STK32A: variants seen among roughly 807,000 people sequenced by gnomAD.
STK32A encodes serine/threonine-protein kinase 32A.
Under a neutral mutation model 53.2 loss-of-function variants are expected in STK32A, and 41 were observed. That is an observed-to-expected ratio of 0.77 (90% CI 0.60 to 1.00). The LOEUF (loss-of-function observed/expected upper bound fraction) is 1.00, where lower values mean the gene tolerates loss of function less well. STK32A is among the 50% of genes least tolerant of loss of function. STK32A has a pLI of 0.00. For synonymous variants in STK32A, 166 were observed against 162.8 expected (o/e 1.02, Z -0.15); for missense variants, 458 against 485.8 (o/e 0.94, Z 0.54).
At chr5:147,268,918 G>C (rs922823710) in intron 2 of STK32A, among the ~76,000 whole-genome samples, 12 of 152,140 alleles carry the variant, frequency 7.9e-5, no homozygotes, top group African/African-American at 2.9e-4. Flanking sequence ...TTGTGAGTCA[G>C]GTCTTTACCC....
chr5:147,259,374 C>T (rs1309048302), intron 2 of STK32A, among the ~76,000 whole-genome samples: 2 of 152,060 alleles, frequency 1.3e-5, no homozygotes, highest in Non-Finnish European at 1.5e-5. Context: ...GGGCCATCCG[C>T]GGGTTACTGG....
At chr5:147,238,340 A>G (rs1283009022) in intron 1 of STK32A, among the ~76,000 whole-genome samples, 1 of 152,144 alleles carries the variant, frequency 6.6e-6, no homozygotes, top group Non-Finnish European at 1.5e-5. Context: ...ACTCATTTGC[A>G]TCATCTGCCT....
chr5:147,301,586 T>C (rs1753139523), intron 4 of STK32A, among the ~76,000 whole-genome samples: 1 of 152,194 alleles, frequency 6.6e-6, no homozygotes, highest in South Asian at 2.1e-4. Context: ...GAATATAAAA[T>C]AATACATATT....
At chr5:147,389,778 G>A (rs776382883), downstream of STK32A, among the ~76,000 whole-genome samples, 35 of 152,156 alleles carry the variant, frequency 2.3e-4, no homozygotes, top group Non-Finnish European at 4.0e-4. Flanking sequence ...GACTGAGACA[G>A]GAGAATCGCT....
downstream of STK32A, among the ~76,000 whole-genome samples, chr5:147,390,601 T>C (rs1757773560): frequency 6.6e-6 from 1 of 151,958 alleles, no homozygotes; most frequent in Admixed American, 6.6e-5. Flanking sequence ...ACTTACTCAT[T>C]CTCCAAAGTT....
chr5:147,247,317 G>A (rs761078680), intron 2 of STK32A, among the ~76,000 whole-genome samples: 26 of 152,174 alleles, frequency 1.7e-4, no homozygotes, highest in Admixed American at 2.0e-4. Flanking sequence ...GACCATTCAT[G>A]GAAGTTTCGT....
Position 147,239,643 on chromosome 5 carries a change from G to C in STK32A, c.9G>C (p.Ala3=), listed in dbSNP as rs4705132. 880,098 of 1,601,018 alleles carry C rather than the reference G, an allele frequency of 0.55. 247,472 individuals are homozygous for C. The highest frequency in any genetic ancestry group is 0.76 in the Admixed American group (44,883 of 59,084). The change falls in exon 2 of 13, where the codon GCG becomes GCC. Residue 3 remains alanine, a synonymous_variant. Transcript: ENST00000397936. MG[A]NTSRKPPVFD... is the part of the protein sequence containing the mutation. ...TCTGGGCAGATTCAACCATGGGAGCGAACACTTCAAGAAAACCACCAGTGT... is the reference window on the plus strand; with the variant it reads ...TCTGGGCAGATTCAACCATGGGAGCCAACACTTCAAGAAAACCACCAGTGT...
chr5:147,276,382 A>T (rs1755261149), intron 2 of STK32A, among the ~76,000 whole-genome samples: 1 of 152,192 alleles, frequency 6.6e-6, no homozygotes, highest in African/African-American at 2.4e-5. Flanking sequence ...GGTATTTTCT[A>T]TTCTATTTAA....
intron 8 of STK32A, 26 bp downstream of exon 8, chr5:147,361,640 GT>G: frequency 6.7e-7 from 1 of 1,501,454 alleles, no homozygotes; most frequent in Non-Finnish European, 9.2e-7. Flanking sequence ...TTCCTCTTTG[GT>G]TATTTTTCCA....
At position 147,370,770 on chromosome 5, in the gene STK32A, G is replaced by C; in HGVS notation, c.777G>C (p.Lys259Asn). The change falls in exon 9 of 13, where the codon AAG (lysine) becomes AAC (asparagine). Residue 259 changes from lysine (K) to asparagine (N), a missense_variant and splice_region_variant. Coordinates refer to ENST00000397936, the MANE Select transcript of STK32A (RefSeq NM_001112724.2). Reference sequence around the variant, plus strand: ...AGGAAATGGTGTCACTTCTTAAAAAGGTAAGAAGGAAGACTGCATGTCCAA... The same window carrying C: ...AGGAAATGGTGTCACTTCTTAAAAACGTAAGAAGGAAGACTGCATGTCCAA... ...WSQEMVSLLK[K>N]LLEPNPDQRF... 6.3e-7 allele frequency: 1 copy of C among 1,593,436 alleles called. No homozygotes were observed. Among genetic ancestry groups the C allele is most frequent in the Non-Finnish European group, 8.6e-7 (1 of 1,161,958 alleles).
At chr5:147,378,335 A>C in intron 11 of STK32A, among the ~76,000 whole-genome samples, 1 of 152,266 alleles carries the variant, frequency 6.6e-6, no homozygotes, top group South Asian at 2.1e-4. Context: ...CAAGGCTGGC[A>C]CATCTCAGGG....
chr5:147,384,716 G>C lies in STK32A; in HGVS notation c.*733G>C, dbSNP rs1342924728. On this transcript the variant is annotated 3_prime_UTR_variant, in exon 13 of 13. Coordinates refer to ENST00000397936, the MANE Select transcript of STK32A (RefSeq NM_001112724.2). ...ATGCTCGTTTTTTCCCTCCTAACAA[G>C]TGAATTGCTAAATATTAGCCCACCA... 5.8e-6 allele frequency: 2 copies of C among 344,124 alleles called. No homozygotes were observed. The highest frequency in any genetic ancestry group is 4.2e-5 in the African/African-American group (2 of 47,328). 21.3% of individuals were successfully genotyped at this position (344,124 alleles called of 1,614,324 possible).
chr5:147,260,574 C>T (rs1035319743), intron 2 of STK32A, among the ~76,000 whole-genome samples: 1 of 145,808 alleles, frequency 6.9e-6, no homozygotes, highest in African/African-American at 2.8e-5. Flanking sequence ...CTCCTCAAAC[C>T]AAGGGGTGTC....
intron 2 of STK32A, among the ~76,000 whole-genome samples, chr5:147,266,423 G>T (rs1212607170): frequency 6.6e-6 from 1 of 152,138 alleles, no homozygotes; most frequent in Non-Finnish European, 1.5e-5. Context: ...ATGTTGGTAA[G>T]ACTTTTCTTA....
chr5:147,303,094 A>C (rs1366787419), intron 4 of STK32A, among the ~76,000 whole-genome samples: 1 of 152,178 alleles, frequency 6.6e-6, no homozygotes, highest in Non-Finnish European at 1.5e-5. Context: ...ACATACATAC[A>C]CATTTACACA....
chr5:147,269,666 G>A (rs1023121560), intron 2 of STK32A, among the ~76,000 whole-genome samples: 4 of 152,066 alleles, frequency 2.6e-5, no homozygotes, highest in African/African-American at 9.7e-5. Context: ...TCTTATTTGG[G>A]TCTTATCTTG....
intron 2 of STK32A, among the ~76,000 whole-genome samples, chr5:147,252,346 C>G (rs976587938): frequency 1.3e-5 from 2 of 152,070 alleles, no homozygotes; most frequent in Admixed American, 6.6e-5. Context: ...AGGGAAAAGG[C>G]TCTAAAATAA....
At chr5:147,309,062 A>T (rs977014457) in intron 4 of STK32A, among the ~76,000 whole-genome samples, 1 of 152,098 alleles carries the variant, frequency 6.6e-6, no homozygotes, top group Admixed American at 6.5e-5. Flanking sequence ...GAATGAGCCA[A>T]CTGAGAGGAA....
chr5:147,352,677 T>C (rs986496905), intron 7 of STK32A, among the ~76,000 whole-genome samples: 1 of 152,212 alleles, frequency 6.6e-6, no homozygotes, highest in African/African-American at 2.4e-5. Flanking sequence ...AAAAGATACC[T>C]GGAATTTAAT....
Sources: allele counts gnomAD v4.1 joint callset (sites outside exome capture counted in the v4.1 genomes callset), GRCh38; gene constraint gnomAD v4.1.1; transcripts MANE v1.5; gene names NCBI Gene and HGNC (gene_info 2026-07-23, HGNC 2026-07-21).